Variants in MYRIP observed in about 807,000 individuals in gnomAD.
MYRIP encodes the protein rab effector MyRIP.
In MYRIP, 49 loss-of-function variants were observed where a neutral mutation model predicts 98.0. The ratio of observed to expected loss-of-function variants is 0.50; its 90% CI spans 0.40 to 0.63. MYRIP has a LOEUF of 0.63. Ranked by LOEUF, MYRIP falls within the 30% of genes least tolerant of loss-of-function variation. The pLI is 0.00. For synonymous variants in MYRIP, 404 were observed against 409.5 expected (o/e 0.99, Z 0.16); for missense variants, 1,004 against 1,058.2 (o/e 0.95, Z 0.71).
At chr3:40,156,482 T>C (rs1950240993) in intron 4 of MYRIP, among the ~76,000 whole-genome samples, 1 of 152,202 alleles carries the variant, frequency 6.6e-6, no homozygotes, top group African/African-American at 2.4e-5. Flanking sequence ...GTGGGCTCTT[T>C]TTTGGTGCCA....
chr3:40,238,977 T>G (rs573415665), intron 12 of MYRIP, among the ~76,000 whole-genome samples: 1 of 151,934 alleles, frequency 6.6e-6, no homozygotes, highest in South Asian at 2.1e-4. Context: ...TACATATGTA[T>G]ACATGTGCCA....
chr3:40,148,887 C>T (rs894976327), intron 3 of MYRIP, among the ~76,000 whole-genome samples: 6 of 152,116 alleles, frequency 3.9e-5, no homozygotes, highest in African/African-American at 1.4e-4. Context: ...TAAATATTCC[C>T]AATAGACCTC....
chr3:40,030,730 C>A (rs1291093639), intron 2 of MYRIP, among the ~76,000 whole-genome samples: 3 of 152,058 alleles, frequency 2.0e-5, no homozygotes, highest in Non-Finnish European at 4.4e-5. Flanking sequence ...ACACAGAAGG[C>A]CACATATGAT....
intron 2 of MYRIP, among the ~76,000 whole-genome samples, chr3:39,906,453 G>A (rs1295041696): frequency 6.6e-6 from 1 of 152,130 alleles, no homozygotes; most frequent in Admixed American, 6.5e-5. Flanking sequence ...CCATTTAGGA[G>A]AGTATGGCTA....
intron 3 of MYRIP, among the ~76,000 whole-genome samples, chr3:40,130,268 T>A (rs1419900965): frequency 6.6e-6 from 1 of 152,212 alleles, no homozygotes; most frequent in Non-Finnish European, 1.5e-5. Flanking sequence ...GTTTTCATTT[T>A]CCTCAGTAAA....
chr3:39,814,833 A>C (rs28526791), intron 1 of MYRIP, among the ~76,000 whole-genome samples: 5,812 of 152,236 alleles, frequency 0.038, 220 homozygotes, highest in East Asian at 0.098. Context: ...TTGAATCTAA[A>C]GGTTAATTAG....
At chr3:40,043,773 T>G (rs1947601534) in intron 2 of MYRIP, among the ~76,000 whole-genome samples, 1 of 152,262 alleles carries the variant, frequency 6.6e-6, no homozygotes, top group Non-Finnish European at 1.5e-5. Flanking sequence ...TAATAACTTG[T>G]ATCTCAATGT....
intron 3 of MYRIP, among the ~76,000 whole-genome samples, chr3:40,140,781 G>GTATA (rs1949876290): frequency 6.6e-6 from 1 of 151,788 alleles, no homozygotes. Context: ...TTTTTTGTGG[G>GTATA]TATATAATAG....
chr3:40,164,737 G>A (rs1453092299), intron 5 of MYRIP, among the ~76,000 whole-genome samples: 1 of 152,132 alleles, frequency 6.6e-6, no homozygotes, highest in Non-Finnish European at 1.5e-5. Flanking sequence ...CTGAAACACT[G>A]ACCTGAACCT....
At position 39,871,680 on chromosome 3, in the gene MYRIP, C is replaced by T. The variant is rs546309630; in HGVS notation, c.-30-29107C>T. On this transcript the variant is annotated intron_variant, in intron 1 of 16. Transcript: ENST00000302541. ...CACATTCCACAAAAAATGATAGCTA[C>T]TATCATTATTATTAATGATTATCAT... Among the ~76,000 whole-genome samples the T allele has an allele frequency of 3.3e-5, 5 of 152,178 alleles. No homozygotes were observed. The South Asian group carries it at 8.3e-4, about 25-fold the overall frequency.
At chr3:39,932,919 T>C (rs574022884) in intron 2 of MYRIP, among the ~76,000 whole-genome samples, 3 of 152,300 alleles carry the variant, frequency 2.0e-5, no homozygotes, top group Admixed American at 1.3e-4. Flanking sequence ...AATTAGATAT[T>C]TTAAAGTAAT....
chr3:40,165,621 T>C (rs1950484347), intron 5 of MYRIP, among the ~76,000 whole-genome samples: 1 of 152,088 alleles, frequency 6.6e-6, no homozygotes. Flanking sequence ...AAGAGAAGGA[T>C]GATAGAAATT....
At chr3:40,120,215 T>C (rs1278015709) in intron 3 of MYRIP, among the ~76,000 whole-genome samples, 1 of 152,172 alleles carries the variant, frequency 6.6e-6, no homozygotes, top group Non-Finnish European at 1.5e-5. Flanking sequence ...ATCCCTACCT[T>C]TAATTTTCAC....
At chr3:39,999,429 C>T (rs528600661) in intron 2 of MYRIP, among the ~76,000 whole-genome samples, 1 of 152,296 alleles carries the variant, frequency 6.6e-6, no homozygotes, top group Non-Finnish European at 1.5e-5. Flanking sequence ...AAAAAATGCT[C>T]ATCATCACTG....
At chr3:40,055,644 A>G (rs1947870295) in intron 3 of MYRIP, among the ~76,000 whole-genome samples, 1 of 152,200 alleles carries the variant, frequency 6.6e-6, no homozygotes, top group Non-Finnish European at 1.5e-5. Flanking sequence ...AAGGACATGA[A>G]CAGGCCTTAC....
intron 3 of MYRIP, among the ~76,000 whole-genome samples, chr3:40,048,815 A>T (rs1196934469): frequency 2.0e-5 from 3 of 152,182 alleles, no homozygotes; most frequent in Non-Finnish European, 4.4e-5. Context: ...TTGGGAGATT[A>T]AAAAATTAAA....
At chr3:39,883,076 C>T (rs1640830968) in intron 1 of MYRIP, among the ~76,000 whole-genome samples, 1 of 152,168 alleles carries the variant, frequency 6.6e-6, no homozygotes, top group Non-Finnish European at 1.5e-5. Context: ...AATGTGAGAA[C>T]AGCATTTGAG....
intron 1 of MYRIP, among the ~76,000 whole-genome samples, chr3:39,896,992 G>A (rs1943624879): frequency 1.3e-5 from 2 of 152,086 alleles, no homozygotes; most frequent in African/African-American, 4.8e-5. Flanking sequence ...TAGCTTTAAA[G>A]TTGCATCCAT....
At chr3:40,233,674 G>A (rs935628637) in intron 11 of MYRIP, among the ~76,000 whole-genome samples, 185 bp from the exon 12 acceptor site, 7 of 152,068 alleles carry the variant, frequency 4.6e-5, no homozygotes, top group African/African-American at 1.7e-4. Context: ...GTCAAATCAG[G>A]CCTCCCCTCA....
Sources: allele counts gnomAD v4.1 joint callset (sites outside exome capture counted in the v4.1 genomes callset), GRCh38; gene constraint gnomAD v4.1.1; transcripts MANE v1.5; gene names NCBI Gene and HGNC (gene_info 2026-07-23, HGNC 2026-07-21).